DDX60L: variants seen among roughly 807,000 people sequenced by gnomAD.
DDX60L encodes the protein probable ATP-dependent RNA helicase DDX60-like.
DDX60L carries 191 observed loss-of-function variants against 211.6 expected under a neutral mutation model. That is an observed-to-expected ratio of 0.90 (90% CI 0.80 to 1.02). DDX60L has a LOEUF of 1.02. Among genes scored for constraint, DDX60L ranks in the 50% least tolerant of loss-of-function variants. DDX60L has a pLI of 0.00. For synonymous variants in DDX60L, 706 were observed against 694.1 expected (o/e 1.02, Z -0.27); for missense variants, 2,007 against 1,984.1 (o/e 1.01, Z -0.22).
chr4:168,480,041 G>C (rs906080961), intron 1 of DDX60L, among the ~76,000 whole-genome samples: 71 of 150,892 alleles, frequency 4.7e-4, no homozygotes, highest in South Asian at 8.4e-4. Flanking sequence ...GCGGCTTGCT[G>C]CCTGTCAATG....
intron 36 of DDX60L, among the ~76,000 whole-genome samples, chr4:168,362,918 A>G (rs1739345766): frequency 6.6e-6 from 1 of 152,236 alleles, no homozygotes; most frequent in Non-Finnish European, 1.5e-5. Context: ...ATAATAGCTG[A>G]AAACTTCCCA....
In DDX60L at chr4:168,426,520, T is replaced by C. The variant is rs553470585; in HGVS notation, c.1930+550A>G. 2.6e-5 allele frequency among the ~76,000 whole-genome samples: 4 copies of C among 152,358 alleles called. No individual in the cohort carries two copies. In the East Asian group the frequency reaches 5.8e-4, roughly 22 times the overall value. On this transcript the variant is annotated intron_variant, in intron 14 of 37. Coordinates refer to ENST00000682922, the MANE Select transcript of DDX60L (RefSeq NM_001012967.3). ...GCCCTGGAGGGAAATGTGATCTTTA[T>C]TAACTGGACAGTAAACAAACTTGGC...
intron 4 of DDX60L, chr4:168,469,453 T>C (rs1048604624): frequency 6.6e-6 from 1 of 152,068 alleles, no homozygotes; most frequent in African/African-American, 2.4e-5. Context: ...TTAATAAATA[T>C]AGGAAAATAT....
chr4:168,380,673 T>TG (rs1230762777), intron 30 of DDX60L: 3 of 151,826 alleles, frequency 2.0e-5, no homozygotes, highest in Non-Finnish European at 4.4e-5. Flanking sequence ...TACTGAGGAG[T>TG]GGGGCACTGC....
rs6835266 is a variant in DDX60L, at chr4:168,408,148, T to C, written c.2980-1442A>G. 5.7e-3 allele frequency among the ~76,000 whole-genome samples: 867 copies of C among 151,482 alleles called. 9 individuals are homozygous for C. The highest frequency in any genetic ancestry group is 0.02 in the African/African-American group (816 of 40,792). On this transcript the variant is annotated intron_variant, in intron 22 of 37. Transcript: ENST00000682922. ...ACTTAAGTAATTAGTTTTCTAAGAA[T>C]TATCAAGTACATACTAATGCTGTGC... is the stretch of plus-strand genomic sequence containing the variant.
chr4:168,430,331 T>C (rs936478876), intron 13 of DDX60L, 147 bp downstream of exon 13: 2 of 619,114 alleles, frequency 3.2e-6, no homozygotes, highest in African/African-American at 3.8e-5. Flanking sequence ...ATCGCAGGTA[T>C]ATCTTTCTAG....
intron 10 of DDX60L, among the ~76,000 whole-genome samples, chr4:168,436,619 A>G (rs1399787551): frequency 6.6e-6 from 1 of 152,200 alleles, no homozygotes; most frequent in African/African-American, 2.4e-5. Flanking sequence ...TTAGTGGCCA[A>G]TATATAGTGT....
intron 1 of DDX60L, among the ~76,000 whole-genome samples, chr4:168,477,193 A>G (rs181702294): frequency 2.6e-3 from 402 of 152,272 alleles, no homozygotes; most frequent in African/African-American, 9.1e-3. Context: ...AGGCGGACGG[A>G]TCACAAGGTC....
intron 26 of DDX60L, among the ~76,000 whole-genome samples, chr4:168,399,348 C>G (rs1360853972): frequency 2.0e-5 from 3 of 152,306 alleles, no homozygotes; most frequent in South Asian, 2.1e-4. Flanking sequence ...CCTGGCATCT[C>G]TGGGCACCAC....
rs764082477 is a variant in DDX60L, at chr4:168,441,407, G to A, written c.1224C>T (p.Asn408=). The change falls in exon 10 of 38, where the codon AAC becomes AAT. Residue 408 remains asparagine (N), a synonymous_variant. Transcript: ENST00000682922. ...NVVSHLVKEF[N]VGKSFPLRTT... ...TTCTCAGAGGAAAAGACTTTCCAAC[G>A]TTAAATTCTTTAACCAGGTGTGACA... 17 of 1,612,744 alleles carry A rather than the reference G, an allele frequency of 1.1e-5. No individual in the cohort carries two copies. The highest frequency in any genetic ancestry group is 3.3e-4 in the Middle Eastern group (2 of 6,058).
chr4:168,392,270 T>C (rs953144199), intron 28 of DDX60L, among the ~76,000 whole-genome samples: 5 of 152,216 alleles, frequency 3.3e-5, no homozygotes, highest in Admixed American at 6.5e-5. Flanking sequence ...TTCCTTCTTA[T>C]TTACTCTCTT....
At chr4:168,399,082 T>G (rs1466594602) in intron 26 of DDX60L, among the ~76,000 whole-genome samples, 2 of 152,222 alleles carry the variant, frequency 1.3e-5, no homozygotes, top group African/African-American at 4.8e-5. Flanking sequence ...ATAAAGCTCT[T>G]CTTCACCTTG....
chr4:168,457,275 C>T (rs1398208785), intron 6 of DDX60L, among the ~76,000 whole-genome samples: 2 of 151,020 alleles, frequency 1.3e-5, no homozygotes, highest in East Asian at 1.9e-4. Flanking sequence ...CACACACACA[C>T]ACACACACAC....
At chr4:168,450,943 C>G (rs1462666372) in intron 8 of DDX60L, among the ~76,000 whole-genome samples, 1 of 144,658 alleles carries the variant, frequency 6.9e-6, no homozygotes, top group Non-Finnish European at 1.5e-5. Flanking sequence ...AATAATTGGC[C>G]TTGACTTTCA....
chr4:168,373,841 T>C, intron 34 of DDX60L, 33 bp from the exon 35 acceptor site: 1 of 1,601,990 alleles, frequency 6.2e-7, no homozygotes, highest in Non-Finnish European at 8.5e-7. Flanking sequence ...CGTTAGGTTT[T>C]AAAAATCAGC....
intron 36 of DDX60L, among the ~76,000 whole-genome samples, chr4:168,370,617 A>G (rs1177612297): frequency 6.6e-6 from 1 of 152,182 alleles, no homozygotes; most frequent in Non-Finnish European, 1.5e-5. Context: ...TGATAAGTGC[A>G]TAAGGTGATG....
chr4:168,394,577 T>C lies in DDX60L; in HGVS notation c.3698A>G (p.His1233Arg), dbSNP rs1432367567. Residue 1233 changes from histidine (H) to arginine (R), a missense_variant, in exon 28 of 38, where the codon CAC (histidine) becomes CGC (arginine). Physicochemically the swap from His to Arg is conservative, Grantham distance 29 (BLOSUM62 0). Coordinates refer to ENST00000682922, the MANE Select transcript of DDX60L (RefSeq NM_001012967.3). ...RVLPRVRFTRHGKELKALAQR... is the reference protein window; with the variant it reads ...RVLPRVRFTRRGKELKALAQR... ...TGCTAAAGCCTTCAGTTCTTTGCCG[T>C]GTCTTGTAAATCGCACTCGCGGTAA... is the stretch of plus-strand genomic sequence containing the variant. 6.2e-7 allele frequency: 1 copy of C among 1,613,640 alleles called. No homozygotes were observed. The highest frequency in any genetic ancestry group is 1.1e-5 in the South Asian group (1 of 91,006).
chr4:168,432,631 T>C (rs62334150), intron 11 of DDX60L, 61 bp from the exon 12 acceptor site: 18,861 of 978,896 alleles, frequency 0.019, 356 homozygotes, highest in Non-Finnish European at 0.019. Flanking sequence ...AGCACAAACT[T>C]CAGGCTGTGA....
chr4:168,466,976 G>A (rs978413266), intron 4 of DDX60L, among the ~76,000 whole-genome samples: 4 of 152,138 alleles, frequency 2.6e-5, no homozygotes, highest in Admixed American at 6.5e-5. Context: ...AACACGTTTT[G>A]TTAGAATACG....
Sources: gnomAD v4.1 joint callset for allele counts (sites outside exome capture counted in the v4.1 genomes callset) on GRCh38, gnomAD v4.1.1 for gene constraint, MANE v1.5 for transcripts, NCBI Gene and HGNC (gene_info 2026-07-23, HGNC 2026-07-21) for gene names.